The following MYO1D variants were observed in gnomAD, a reference collection of about 807,000 sequenced individuals.
MYO1D encodes the protein unconventional myosin-Id.
MYO1D carries 83 observed loss-of-function variants against 122.0 expected under a neutral mutation model. That is an observed-to-expected ratio of 0.68 (90% confidence interval 0.57 to 0.82). The LOEUF (loss-of-function observed/expected upper bound fraction) is 0.82, where lower values mean the gene tolerates loss of function less well. Among genes scored for constraint, MYO1D ranks in the 40% least tolerant of loss-of-function variants. The probability of loss-of-function intolerance (pLI) is 0.00; values close to 1 mark genes in which losing one functional copy is unlikely to be tolerated. For synonymous variants in MYO1D, 464 were observed against 446.9 expected, an observed-to-expected ratio of 1.04 and a Z score of -0.48; for missense variants, 1,157 against 1,269.5, an observed-to-expected ratio of 0.91 and a Z score of 1.35.
chr17:32,651,697 G>A (rs1199315837), intron 19 of MYO1D, among the ~76,000 whole-genome samples: 7 of 106,914 alleles, frequency 6.5e-5, no homozygotes, highest in African/African-American at 2.6e-4. Context: ...TTTTTTTTTA[G>A]ACGGAGTCTT....
Position 32,822,490 on chromosome 17 carries a change from C to T in MYO1D, c.96-41706G>A, listed in dbSNP as rs76826624. Among the ~76,000 whole-genome samples, 5 of 145,318 alleles carry T rather than the reference C, an allele frequency of 3.4e-5. No individual in the cohort carries two copies. The Admixed American group carries it at 3.4e-4, about 10-fold the overall frequency. On this transcript the variant is annotated intron_variant, in intron 1 of 21. Coordinates refer to ENST00000318217, the MANE Select transcript of MYO1D (RefSeq NM_015194.3). Reference sequence around the variant, plus strand: ...GTGGTGGGGGGCGGGGGGCGCGCGTCCCCGGTCGGCGCGCCGCTTCTTCGG... The same window carrying T: ...GTGGTGGGGGGCGGGGGGCGCGCGTTCCCGGTCGGCGCGCCGCTTCTTCGG...
chr17:32,521,271 C>T (rs1910128450), intron 21 of MYO1D, among the ~76,000 whole-genome samples: 4 of 152,136 alleles, frequency 2.6e-5, no homozygotes, highest in Non-Finnish European at 1.5e-5. Context: ...AACCAACCTA[C>T]TCCTTAGAAA....
chr17:32,597,388 A>G (rs990473862), intron 21 of MYO1D, among the ~76,000 whole-genome samples: 2 of 152,234 alleles, frequency 1.3e-5, no homozygotes, highest in South Asian at 2.1e-4. Context: ...ATACATAATC[A>G]TATGTGTGTA....
chr17:32,786,901 T>C (rs910308621), intron 1 of MYO1D, among the ~76,000 whole-genome samples: 2 of 151,464 alleles, frequency 1.3e-5, no homozygotes, highest in Admixed American at 1.3e-4. Context: ...AAAAAGTAGG[T>C]AGTGGGTAAA....
intron 16 of MYO1D, chr17:32,684,351 T>A (rs1339276894): frequency 6.6e-6 from 1 of 152,286 alleles, no homozygotes; most frequent in Admixed American, 6.5e-5. Flanking sequence ...CCTTCATGAC[T>A]GTTACACAAT....
At chr17:32,844,642 T>C (rs1431790835) in intron 1 of MYO1D, among the ~76,000 whole-genome samples, 1 of 151,818 alleles carries the variant, frequency 6.6e-6, no homozygotes, top group Non-Finnish European at 1.5e-5. Context: ...GGAGGATTGG[T>C]TGAGCCCAGG....
intron 1 of MYO1D, among the ~76,000 whole-genome samples, chr17:32,873,945 A>C (rs2091204933): frequency 6.6e-6 from 1 of 152,178 alleles, no homozygotes; most frequent in African/African-American, 2.4e-5. Flanking sequence ...CCTCTCCACA[A>C]CACCAACCCC....
At chr17:32,664,684 T>C (rs1490888451) in intron 16 of MYO1D, among the ~76,000 whole-genome samples, 2 of 152,068 alleles carry the variant, frequency 1.3e-5, no homozygotes, top group Non-Finnish European at 2.9e-5. Flanking sequence ...AAGGGACCAT[T>C]TCTCAGAAAA....
At chr17:32,801,588 A>G (rs2090461758) in intron 1 of MYO1D, among the ~76,000 whole-genome samples, 3 of 152,376 alleles carry the variant, frequency 2.0e-5, no homozygotes, top group South Asian at 4.1e-4. Flanking sequence ...GAAAGAAATT[A>G]CAAATATGAA....
chr17:32,685,871 T>C (rs956751643), intron 16 of MYO1D, among the ~76,000 whole-genome samples: 1 of 152,252 alleles, frequency 6.6e-6, no homozygotes, highest in Non-Finnish European at 1.5e-5. Context: ...TTGACCTCCA[T>C]GGGTTATCCC....
At chr17:32,876,289 G>T (rs528672360) in intron 1 of MYO1D, among the ~76,000 whole-genome samples, 2 of 152,220 alleles carry the variant, frequency 1.3e-5, no homozygotes, top group South Asian at 4.1e-4. Context: ...AAAAAAGAAG[G>T]GCGAAGAAAG....
intron 16 of MYO1D, among the ~76,000 whole-genome samples, chr17:32,688,920 A>AGTGTGTGTGT (rs3079901): frequency 1.2e-4 from 18 of 146,560 alleles, no homozygotes; most frequent in Admixed American, 6.8e-4. Context: ...TGATTTTTGA[A>AGTGTGTGTGT]GTGTGTGTGT....
rs147187051 is a variant in MYO1D, at chr17:32,517,584, A to C, written c.2865-22669T>G. ...AATTGGTCTGCCTGTGGACCCCTGA[A>C]TGTCGCGTTGTTAAAGCTCCCTGGG... On this transcript the variant is annotated intron_variant, in intron 21 of 21. Transcript: ENST00000318217. Among the ~76,000 whole-genome samples the C allele has an allele frequency of 4.1e-3, 626 of 152,156 alleles. 10 individuals are homozygous for C. The South Asian group carries it at 0.06, about 15-fold the overall frequency.
intron 16 of MYO1D, among the ~76,000 whole-genome samples, chr17:32,661,311 A>G (rs2088561498): frequency 6.6e-6 from 1 of 152,140 alleles, no homozygotes; most frequent in Admixed American, 6.5e-5. Flanking sequence ...TCCAGTCTCA[A>G]TCAACACAAA....
intron 21 of MYO1D, among the ~76,000 whole-genome samples, chr17:32,519,593 C>T (rs1447491346): frequency 6.6e-6 from 1 of 151,804 alleles, no homozygotes; most frequent in Non-Finnish European, 1.5e-5. Flanking sequence ...GCGCACACGC[C>T]CTCCTTGCAG....
At position 32,861,427 on chromosome 17, in the gene MYO1D, C is replaced by T. The variant is rs185238063; in HGVS notation, c.95+15351G>A. ...AATTGCCAAATCTGCACCCTATTCA[C>T]GAATGTGACAAAAAACAAACATTCA... On this transcript the variant is annotated intron_variant, in intron 1 of 21. Coordinates refer to ENST00000318217, the MANE Select transcript of MYO1D (RefSeq NM_015194.3). Among the ~76,000 whole-genome samples the T allele has an allele frequency of 1.2e-4, 19 of 152,148 alleles. No individual in the cohort carries two copies. In the East Asian group the frequency reaches 3.5e-3, roughly 28 times the overall value.
In MYO1D at chr17:32,557,268, G is replaced by A. The variant is rs1186387165; in HGVS notation, c.2864+47819C>T. Among the ~76,000 whole-genome samples, 4 of 151,880 alleles carry A rather than the reference G, an allele frequency of 2.6e-5. No individual in the cohort carries two copies. In the South Asian group the frequency reaches 6.3e-4, roughly 24 times the overall value. Reference sequence around the variant, plus strand: ...TGAGTAGCTGGGATTACAGATGCCCGCTACCACGCCCGGCTAATTTTTTTT... The same window carrying A: ...TGAGTAGCTGGGATTACAGATGCCCACTACCACGCCCGGCTAATTTTTTTT... On this transcript the variant is annotated intron_variant, in intron 21 of 21. Transcript: ENST00000318217.
chr17:32,598,515 T>C (rs949350981), intron 21 of MYO1D, among the ~76,000 whole-genome samples: 1 of 152,258 alleles, frequency 6.6e-6, no homozygotes, highest in Non-Finnish European at 1.5e-5. Flanking sequence ...TTCTGGATGG[T>C]GTCTGTTCTG....
intron 21 of MYO1D, among the ~76,000 whole-genome samples, chr17:32,582,408 C>T (rs1052054412): frequency 9.2e-5 from 14 of 152,062 alleles, no homozygotes; most frequent in African/African-American, 3.4e-4. Flanking sequence ...CTTAATTTCC[C>T]CTTTGACCTA....
Sources: gnomAD v4.1 joint callset for allele counts (sites outside exome capture counted in the v4.1 genomes callset) on GRCh38, gnomAD v4.1.1 for gene constraint, MANE v1.5 for transcripts, NCBI Gene and HGNC (gene_info 2026-07-23, HGNC 2026-07-21) for gene names.